Variants in C9orf85 observed in about 807,000 individuals in gnomAD.
C9orf85 encodes chromosome 9 open reading frame 85.
C9orf85 carries 16 observed loss-of-function variants against 14.9 expected under a neutral mutation model. The observed-to-expected ratio is 1.08, with a 90% CI of 0.73 to 1.63. The LOEUF is 1.63. Among genes scored for constraint, C9orf85 ranks in the 40% most tolerant of loss-of-function variants. The probability of loss-of-function intolerance (pLI) is 0.00; values close to 1 mark genes in which losing one functional copy is unlikely to be tolerated. For missense variants in C9orf85, 172 were observed against 186.1 expected (o/e 0.92, Z 0.44); for synonymous variants, 45 against 56.8 (o/e 0.79, Z 0.93).
intron 1 of C9orf85, among the ~76,000 whole-genome samples, chr9:71,915,326 G>A (rs1181147239): frequency 1.3e-5 from 2 of 151,724 alleles, no homozygotes; most frequent in African/African-American, 2.4e-5. Context: ...GATTTCAGGG[G>A]CACACAACCA....
intron 1 of C9orf85, among the ~76,000 whole-genome samples, chr9:71,944,304 A>AT (rs1460345475): frequency 2.6e-5 from 4 of 151,936 alleles, no homozygotes; most frequent in Admixed American, 6.6e-5. Flanking sequence ...TTAAGTAGGC[A>AT]TGTTTTTTGA....
At chr9:71,947,539 G>C (rs1237422452) in intron 2 of C9orf85, among the ~76,000 whole-genome samples, 2 of 151,958 alleles carry the variant, frequency 1.3e-5, no homozygotes, top group African/African-American at 4.8e-5. Context: ...TATTAGAAGT[G>C]AATCACTAGA....
intron 2 of C9orf85, among the ~76,000 whole-genome samples, chr9:71,954,881 T>G (rs1432260612): frequency 6.6e-6 from 1 of 152,198 alleles, no homozygotes; most frequent in Admixed American, 6.5e-5. Context: ...TTCACACACC[T>G]CTGACAGTTA....
At position 71,933,178 on chromosome 9, in the gene C9orf85, G is replaced by T. The variant is rs972446058; in HGVS notation, c.103-13828G>T. ...TATTTTGGGGATTCCAGAAGGAGAA[G>T]AGAGAAAGTGGCGGAATATTTGAAG... On this transcript the variant is annotated intron_variant, in intron 1 of 3. Transcript: ENST00000334731. Among the ~76,000 whole-genome samples the T allele has an allele frequency of 5.3e-5, 8 of 152,178 alleles. 1 individual carries two copies. Among genetic ancestry groups the T allele is most frequent in the Admixed American group, 2.6e-4 (4 of 15,278 alleles).
At chr9:71,963,520 G>A (rs1822584925) in intron 2 of C9orf85, among the ~76,000 whole-genome samples, 1 of 152,244 alleles carries the variant, frequency 6.6e-6, no homozygotes, top group Non-Finnish European at 1.5e-5. Context: ...AGCTCCCGCA[G>A]CTTGCAGGGA....
intron 1 of C9orf85, among the ~76,000 whole-genome samples, chr9:71,945,977 A>G (rs886191536): frequency 2.6e-5 from 4 of 152,216 alleles, no homozygotes; most frequent in Non-Finnish European, 5.9e-5. Context: ...ATATAAAACT[A>G]TTAGAGAAAA....
chr9:71,972,227 T>G (rs905576924), intron 3 of C9orf85, among the ~76,000 whole-genome samples: 2 of 152,142 alleles, frequency 1.3e-5, no homozygotes, highest in African/African-American at 4.8e-5. Context: ...GTGACAATAG[T>G]ATTATAATTG....
chr9:71,954,097 A>G (rs1352297732), intron 2 of C9orf85, among the ~76,000 whole-genome samples: 1 of 140,180 alleles, frequency 7.1e-6, no homozygotes, highest in Non-Finnish European at 1.5e-5. Context: ...TGGGTGACAG[A>G]GCAAGACCCC....
chr9:71,963,939 C>T (rs930492557), intron 2 of C9orf85, among the ~76,000 whole-genome samples: 2 of 152,232 alleles, frequency 1.3e-5, no homozygotes, highest in African/African-American at 2.4e-5. Flanking sequence ...CGGCACGGGA[C>T]TGGCAGGCAG....
intron 1 of C9orf85, among the ~76,000 whole-genome samples, chr9:71,929,075 G>A (rs1378844763): frequency 6.6e-6 from 1 of 152,172 alleles, no homozygotes; most frequent in Non-Finnish European, 1.5e-5. Flanking sequence ...TGACCAGAGC[G>A]AGGCACCTAT....
chr9:71,927,049 G>A (rs143485227), intron 1 of C9orf85, among the ~76,000 whole-genome samples: 3 of 152,106 alleles, frequency 2.0e-5, no homozygotes, highest in African/African-American at 7.2e-5. Flanking sequence ...AAACTCCAGT[G>A]GTAAAGAGAA....
At chr9:71,944,618 G>T (rs1822033924) in intron 1 of C9orf85, among the ~76,000 whole-genome samples, 1 of 152,170 alleles carries the variant, frequency 6.6e-6, no homozygotes, top group East Asian at 1.9e-4. Flanking sequence ...TGTGAATAAG[G>T]TTAGATTGTC....
rs548022852 is a variant in C9orf85, at chr9:71,918,491, C to G, written c.102+6655C>G. 6.4e-5 allele frequency: 82 copies of G among 1,287,028 alleles called. No homozygotes were observed. The African/African-American group carries it at 1.1e-3, about 17-fold the overall frequency. 79.7% of individuals were successfully genotyped at this position (1,287,028 alleles called of 1,614,324 possible). A position where few individuals can be genotyped will look rare whatever the true frequency, so the allele number is the denominator to read the frequency against. On this transcript the variant is annotated intron_variant, in intron 1 of 3. Coordinates refer to ENST00000334731, the MANE Select transcript of C9orf85 (RefSeq NM_182505.5). ...CCCTGTGGAGCAGGGGTCCCCAGCCCCCGACCCCCGCATCGGTCCATGGCC... is the reference window on the plus strand; with the variant it reads ...CCCTGTGGAGCAGGGGTCCCCAGCCGCCGACCCCCGCATCGGTCCATGGCC...
intron 1 of C9orf85, among the ~76,000 whole-genome samples, chr9:71,939,186 A>T (rs932340812): frequency 6.6e-6 from 1 of 151,684 alleles, no homozygotes; most frequent in African/African-American, 2.4e-5. Flanking sequence ...AGTAAAAAAT[A>T]ATATATATAT....
chr9:71,942,263 C>T (rs577036522), intron 1 of C9orf85, among the ~76,000 whole-genome samples: 3 of 152,282 alleles, frequency 2.0e-5, no homozygotes, highest in East Asian at 3.9e-4. Context: ...GACATTTTTG[C>T]GAGCATCGCT....
At chr9:71,922,640 A>C (rs1243440079) in intron 1 of C9orf85, among the ~76,000 whole-genome samples, 2 of 152,188 alleles carry the variant, frequency 1.3e-5, no homozygotes, top group Non-Finnish European at 2.9e-5. Context: ...GATGTGTACT[A>C]AACTCCTAGT....
chr9:71,938,652 A>G (rs1486882967), intron 1 of C9orf85, among the ~76,000 whole-genome samples: 1 of 151,906 alleles, frequency 6.6e-6, no homozygotes, highest in Non-Finnish European at 1.5e-5. Flanking sequence ...GAAAGGGGAC[A>G]TTTATTTTTT....
chr9:71,962,883 C>G (rs922448401), intron 2 of C9orf85, among the ~76,000 whole-genome samples: 4 of 152,150 alleles, frequency 2.6e-5, no homozygotes, highest in African/African-American at 9.7e-5. Context: ...TGGTGAAACC[C>G]TGTCTCTACT....
downstream of C9orf85, among the ~76,000 whole-genome samples, chr9:71,976,690 G>A (rs1192629787): frequency 1.3e-5 from 2 of 149,914 alleles, no homozygotes; most frequent in East Asian, 4.0e-4. Flanking sequence ...CTTATTCCTG[G>A]GATATTGTGG....
Sources: gnomAD v4.1 joint callset for allele counts (sites outside exome capture counted in the v4.1 genomes callset) on GRCh38, gnomAD v4.1.1 for gene constraint, MANE v1.5 for transcripts, NCBI Gene and HGNC (gene_info 2026-07-23, HGNC 2026-07-21) for gene names.